Variants in ACOT11 observed in about 807,000 individuals in gnomAD.
ACOT11 encodes the protein acyl-CoA thioesterase 11, also known as acyl-coenzyme A thioesterase 11.
ACOT11 carries 69 observed loss-of-function variants against 77.5 expected under a neutral mutation model. The observed-to-expected ratio is 0.89, with a 90% confidence interval of 0.73 to 1.09. The LOEUF (loss-of-function observed/expected upper bound fraction) is 1.09. Among genes scored for constraint, ACOT11 ranks in the 50% least tolerant of loss-of-function variants. The pLI, the probability that ACOT11 is intolerant of heterozygous loss-of-function variation, is 0.00. For synonymous variants in ACOT11, 279 were observed against 313.0 expected, an observed-to-expected ratio of 0.89 and a Z score of 1.15; for missense variants, 766 against 813.7, an observed-to-expected ratio of 0.94 and a Z score of 0.71.
intron 1 of ACOT11, 154 bp downstream of exon 1, chr1:54,548,496 C>A: frequency 1.0e-6 from 1 of 989,532 alleles, no homozygotes; most frequent in Non-Finnish European, 1.5e-6. Context: ...TCGCAGAACC[C>A]CTGGGCTGGT....
At chr1:54,574,687 C>T (rs77116024) in intron 1 of ACOT11, among the ~76,000 whole-genome samples, 6,876 of 152,258 alleles carry the variant, frequency 0.045, 271 homozygotes, top group East Asian at 0.17. Flanking sequence ...CCACCCCGCT[C>T]CCTGTACTGA....
chr1:54,626,111 T>G (rs144095042), intron 15 of ACOT11, among the ~76,000 whole-genome samples: 6,755 of 150,930 alleles, frequency 0.045, 183 homozygotes, highest in Middle Eastern at 0.11. Flanking sequence ...AATACAAAAA[T>G]TAGCTGGGCA....
At chr1:54,593,449 G>A (rs1654782418) in intron 4 of ACOT11, among the ~76,000 whole-genome samples, 1 of 142,040 alleles carries the variant, frequency 7.0e-6, no homozygotes, top group South Asian at 2.2e-4. Context: ...TAATTTTTGT[G>A]TGTGTGTGGT....
rs1020676911 is a variant in ACOT11, at chr1:54,585,189, C to T, written c.241+327C>T. Among the ~76,000 whole-genome samples, 88 of 152,304 alleles carry T rather than the reference C, an allele frequency of 5.8e-4. 1 individual carries two copies. Among genetic ancestry groups the T allele is most frequent in the Admixed American group, 5.2e-3 (80 of 15,302 alleles). ...AAGCCCCTGACTGCCTGCCCTGCAG[C>T]GCTCCTTCCCTTGAGTTGAGGTGCG... is the stretch of plus-strand genomic sequence containing the variant. On this transcript the variant is annotated intron_variant, in intron 2 of 15. Transcript: ENST00000343744.
chr1:54,616,124 G>C (rs940182473), intron 15 of ACOT11: 6 of 1,614,148 alleles, frequency 3.7e-6, no homozygotes, highest in Non-Finnish European at 5.1e-6. Context: ...CTCATTGGCT[G>C]TGCCGAGCCC....
chr1:54,582,051 G>A (rs7531575), intron 1 of ACOT11, among the ~76,000 whole-genome samples: 22,962 of 152,212 alleles, frequency 0.15, 3,161 homozygotes, highest in African/African-American at 0.37. Context: ...GGAGTGGTGG[G>A]GATAGCAACT....
intron 3 of ACOT11, among the ~76,000 whole-genome samples, chr1:54,586,240 T>A (rs1654495838): frequency 6.6e-6 from 1 of 152,090 alleles, no homozygotes; most frequent in Admixed American, 6.5e-5. Context: ...TGGATGGGGT[T>A]AGACTTAATC....
intron 1 of ACOT11, among the ~76,000 whole-genome samples, chr1:54,577,709 T>C (rs639736): frequency 0.12 from 18,110 of 152,166 alleles, 2,560 homozygotes; most frequent in African/African-American, 0.34. Flanking sequence ...ATGGTATTTC[T>C]GTGTTTAACT....
intron 3 of ACOT11, among the ~76,000 whole-genome samples, chr1:54,587,622 G>GC (rs1643870160): frequency 8.2e-6 from 1 of 121,304 alleles, no homozygotes; most frequent in Non-Finnish European, 1.6e-5. Context: ...GCAATGATGT[G>GC]ATGATCTTGG....
chr1:54,562,689 A>G (rs1653577068), intron 1 of ACOT11, among the ~76,000 whole-genome samples: 1 of 89,336 alleles, frequency 1.1e-5, no homozygotes, highest in Non-Finnish European at 2.3e-5. Context: ...CACTTCTCAG[A>G]CGGGGCGGCC....
intron 3 of ACOT11, among the ~76,000 whole-genome samples, chr1:54,587,879 A>C (rs1654562488): frequency 1.3e-5 from 2 of 151,798 alleles, no homozygotes; most frequent in Non-Finnish European, 2.9e-5. Flanking sequence ...AATACCTTTT[A>C]TTTTAGAATA....
intron 1 of ACOT11, among the ~76,000 whole-genome samples, chr1:54,568,827 A>C (rs1387019008): frequency 6.6e-6 from 1 of 152,100 alleles, no homozygotes; most frequent in East Asian, 1.9e-4. Context: ...AGCTCATCGT[A>C]ACCTTGAACT....
In ACOT11 at chr1:54,582,369, G is replaced by A. The variant is rs1005148142; in HGVS notation, c.34-2286G>A. ...GTTTGTCCCTCCACAAACCTTTGAC[G>A]ATGTCCTCCTGTGTGCCAGGCCCCT... On this transcript the variant is annotated intron_variant, in intron 1 of 15. Transcript: ENST00000343744. The A allele has an allele frequency of 2.5e-5, 22 of 873,712 alleles. No homozygotes were observed. In the African/African-American group the frequency reaches 3.8e-4, roughly 15 times the overall value. The allele number at this position is 873,712 out of a possible 1,614,324, so 54.1% of individuals were successfully genotyped here. A position where few individuals can be genotyped will look rare whatever the true frequency, so the allele number is the denominator to read the frequency against.
chr1:54,620,034 G>A (rs756932743), intron 15 of ACOT11: 3 of 1,611,324 alleles, frequency 1.9e-6, no homozygotes, highest in East Asian at 2.2e-5. Flanking sequence ...GGGGCTGTTA[G>A]CGTCTGTCCT....
intron 3 of ACOT11, 117 bp downstream of exon 3, chr1:54,586,021 C>A: frequency 9.6e-7 from 1 of 1,036,570 alleles, no homozygotes; most frequent in Non-Finnish European, 1.4e-6. Flanking sequence ...ACTCAACTGA[C>A]TGAAAATGAG....
intron 15 of ACOT11, among the ~76,000 whole-genome samples, chr1:54,620,529 A>G (rs1392999567): frequency 6.6e-6 from 1 of 151,336 alleles, no homozygotes; most frequent in Non-Finnish European, 1.5e-5. Flanking sequence ...AACATGGTGA[A>G]ACCATGTCTC....
In ACOT11 at chr1:54,610,313, C is replaced by G. The variant is rs1644103443; in HGVS notation, c.*1201C>G. On this transcript the variant is annotated 3_prime_UTR_variant, in exon 16 of 16. Transcript: ENST00000343744. ...CATCCAGGGTATGGTGTAAATAAAC[C>G]TGTGTTGCCATGGCAACAGAGACCG... is the stretch of plus-strand genomic sequence containing the variant. The G allele has an allele frequency of 6.5e-7, 1 of 1,544,714 alleles. No individual in the cohort carries two copies. The highest frequency in any genetic ancestry group is 8.7e-7 in the Non-Finnish European group (1 of 1,147,444).
intron 1 of ACOT11, among the ~76,000 whole-genome samples, chr1:54,572,226 C>T (rs893278768): frequency 5.9e-5 from 9 of 152,080 alleles, no homozygotes; most frequent in African/African-American, 1.7e-4. Context: ...CTGGTTTCTT[C>T]TCCTTTCCCT....
chr1:54,586,805 C>T (rs1180482192), intron 3 of ACOT11, among the ~76,000 whole-genome samples: 1 of 152,066 alleles, frequency 6.6e-6, no homozygotes, highest in Non-Finnish European at 1.5e-5. Context: ...CTGGGCTTTG[C>T]CTCCCCATAG....
Sources: allele counts gnomAD v4.1 joint callset (sites outside exome capture counted in the v4.1 genomes callset), GRCh38; gene constraint gnomAD v4.1.1; transcripts MANE v1.5; gene names NCBI Gene and HGNC (gene_info 2026-07-23, HGNC 2026-07-21).